Variants in SKIC3 observed in about 807,000 individuals in gnomAD.
The protein encoded by SKIC3 is superkiller complex protein 3.
the SKIC3 span, among the ~76,000 whole-genome samples, chr5:95,489,174 A>G: frequency 2.0e-5 from 3 of 152,016 alleles, no homozygotes; most frequent in East Asian, 5.8e-4. Flanking sequence ...TTAGTTGGGC[A>G]TAGTGACTTG....
the SKIC3 span, chr5:95,516,594 A>G: frequency 6.2e-7 from 1 of 1,613,358 alleles, no homozygotes; most frequent in Non-Finnish European, 8.5e-7. Flanking sequence ...TACCTGAAAA[A>G]TACAAAACCT....
chr5:95,537,771 G>C, the SKIC3 span, among the ~76,000 whole-genome samples: 1 of 152,172 alleles, frequency 6.6e-6, no homozygotes, highest in South Asian at 2.1e-4. Flanking sequence ...GTGGTATAAA[G>C]CACTTCATAC....
the SKIC3 span, among the ~76,000 whole-genome samples, chr5:95,501,471 T>G: frequency 6.6e-6 from 1 of 152,102 alleles, no homozygotes; most frequent in South Asian, 2.1e-4. Context: ...ACAACAGCAA[T>G]ATAGACTAAG....
chr5:95,479,800 G>T, the SKIC3 span, among the ~76,000 whole-genome samples: 1 of 151,680 alleles, frequency 6.6e-6, no homozygotes, highest in Non-Finnish European at 1.5e-5. Flanking sequence ...TACTGCATTT[G>T]GAAATGCAAA....
At chr5:95,512,489 T>C in the SKIC3 span, 1 of 1,613,912 alleles carries the variant, frequency 6.2e-7, no homozygotes, top group Non-Finnish European at 8.5e-7. Context: ...ACATATTTAT[T>C]CAAAATAACT....
At chr5:95,533,176 C>A in the SKIC3 span, among the ~76,000 whole-genome samples, 1 of 152,042 alleles carries the variant, frequency 6.6e-6, no homozygotes, top group Non-Finnish European at 1.5e-5. Context: ...CAACAGATGA[C>A]AACTGTGAAA....
At chr5:95,504,534 C>G in the SKIC3 span, among the ~76,000 whole-genome samples, 1 of 151,562 alleles carries the variant, frequency 6.6e-6, no homozygotes, top group Non-Finnish European at 1.5e-5. Context: ...TAAATATTAC[C>G]CTATGAGTAT....
chr5:95,506,811 T>C, the SKIC3 span: 5 of 1,001,150 alleles, frequency 5.0e-6, no homozygotes, highest in Non-Finnish European at 6.1e-6. Flanking sequence ...CCTGTTTCTA[T>C]GGAAATTATG....
the SKIC3 span, among the ~76,000 whole-genome samples, chr5:95,507,956 C>A: frequency 6.6e-6 from 1 of 152,030 alleles, no homozygotes; most frequent in Non-Finnish European, 1.5e-5. Flanking sequence ...AGCAAACACC[C>A]TAGCTGCCTA....
At chr5:95,506,960 T>C in the SKIC3 span, 3 of 1,613,470 alleles carry the variant, frequency 1.9e-6, no homozygotes, top group Non-Finnish European at 2.5e-6. Context: ...AATTTCTTAT[T>C]GCAACATTGT....
At chr5:95,465,336 A>C in the SKIC3 span, among the ~76,000 whole-genome samples, 1 of 152,242 alleles carries the variant, frequency 6.6e-6, no homozygotes, top group Non-Finnish European at 1.5e-5. Context: ...TACTTTATGC[A>C]TAGAACTGTT....
chr5:95,522,812 TTCAAA>T, the SKIC3 span, among the ~76,000 whole-genome samples: 2 of 152,186 alleles, frequency 1.3e-5, no homozygotes, highest in Non-Finnish European at 2.9e-5. Flanking sequence ...TTAAGTACTG[TTCAAA>T]TCAAATGACT....
chr5:95,537,707 C>T, the SKIC3 span, among the ~76,000 whole-genome samples: 4 of 152,236 alleles, frequency 2.6e-5, no homozygotes, highest in East Asian at 7.7e-4. Context: ...TGAAGGCCAA[C>T]AGGCCTTCTA....
chr5:95,464,774 G>T, the SKIC3 span: 1 of 980,458 alleles, frequency 1.0e-6, no homozygotes, highest in Non-Finnish European at 1.6e-6. Context: ...AAGGGCGGCA[G>T]TCTTGAAAAG....
chr5:95,509,515 G>A, the SKIC3 span: 13 of 1,098,422 alleles, frequency 1.2e-5, no homozygotes, highest in East Asian at 1.0e-4. Context: ...TTCTCCCAAC[G>A]CACAGGCCAG....
At chr5:95,552,126 A>G in the SKIC3 span, among the ~76,000 whole-genome samples, 1 of 152,228 alleles carries the variant, frequency 6.6e-6, no homozygotes, top group African/African-American at 2.4e-5. Context: ...TCAGCATATT[A>G]AATGCATTTT....
chr5:95,527,954 T>C, the SKIC3 span: 2 of 1,598,476 alleles, frequency 1.3e-6, no homozygotes, highest in Non-Finnish European at 1.7e-6. Context: ...CAGAGAATGG[T>C]TGTTGCCTGG....
the SKIC3 span, among the ~76,000 whole-genome samples, chr5:95,505,783 A>G: frequency 1.7e-3 from 264 of 151,954 alleles, 1 homozygote; most frequent in Admixed American, 0.014. Context: ...ACTGCACTCC[A>G]GCTTGGGCAA....
chr5:95,520,025 A>G, the SKIC3 span, among the ~76,000 whole-genome samples: 3 of 152,048 alleles, frequency 2.0e-5, no homozygotes, highest in African/African-American at 7.2e-5. Context: ...AATAAATACA[A>G]AACAGAGGAG....
Sources: allele counts gnomAD v4.1 joint callset (sites outside exome capture counted in the v4.1 genomes callset), GRCh38; gene constraint gnomAD v4.1.1; transcripts MANE v1.5; gene names NCBI Gene and HGNC (gene_info 2026-07-23, HGNC 2026-07-21).